The following SLC26A11 variants were observed in gnomAD, a reference collection of about 807,000 sequenced individuals.
The protein encoded by SLC26A11 is solute carrier family 26 member 11.
SLC26A11 carries 58 observed loss-of-function variants against 62.2 expected under a neutral mutation model. The ratio of observed to expected loss-of-function variants is 0.93; its 90% confidence interval spans 0.76 to 1.16. SLC26A11 has a LOEUF of 1.16. Ranked by LOEUF, SLC26A11 falls within the 50% of genes most tolerant of loss-of-function variation. The probability of loss-of-function intolerance (pLI) is 0.00; values close to 1 mark genes in which losing one functional copy is unlikely to be tolerated. For missense variants in SLC26A11, 790 were observed against 794.3 expected (o/e 0.99, Z 0.06); for synonymous variants, 411 against 368.9 (o/e 1.11, Z -1.31).
Position 80,241,641 on chromosome 17 carries a change from G to T in SLC26A11, c.986-130G>T, listed in dbSNP as rs1046392382. 33 of 898,222 alleles carry T rather than the reference G, an allele frequency of 3.7e-5. No homozygotes were observed. In the East Asian group the frequency reaches 7.8e-4, roughly 21 times the overall value. The allele number at this position is 898,222 out of a possible 1,614,324, so 55.6% of individuals were successfully genotyped here. A position where few individuals can be genotyped will look rare whatever the true frequency, so the allele number is the denominator to read the frequency against. Reference sequence around the variant, plus strand: ...CACGCACATATATGTGAATATTTTAGATGTGTATTCTTAGATTTACAAAAC... The same window carrying T: ...CACGCACATATATGTGAATATTTTATATGTGTATTCTTAGATTTACAAAAC... On this transcript the variant is annotated intron_variant, in intron 9 of 17. Coordinates refer to ENST00000361193, the MANE Select transcript of SLC26A11 (RefSeq NM_001166347.2).
At position 80,252,833 on chromosome 17, in the gene SLC26A11, C is replaced by G. The variant is rs924890201; in HGVS notation, c.*117C>G. On this transcript the variant is annotated 3_prime_UTR_variant, in exon 18 of 18. Transcript: ENST00000361193. This position sits in a 1 kb window ranked among gnomAD's most constrained non-coding sequence, Gnocchi z 5.2. Reference sequence around the variant, plus strand: ...CTGGCCTGGCTGAGAAACCCCTGAGCAGGTAACCCAGGGAAGAGAAGGAAG... The same window carrying G: ...CTGGCCTGGCTGAGAAACCCCTGAGGAGGTAACCCAGGGAAGAGAAGGAAG... 3.4e-6 allele frequency: 3 copies of G among 878,296 alleles called. No homozygotes were observed. The African/African-American group carries it at 5.0e-5, about 15-fold the overall frequency. 54.4% of individuals were successfully genotyped at this position (878,296 alleles called of 1,614,324 possible).
At chr17:80,235,195 A>C (rs1251597059) in intron 7 of SLC26A11, among the ~76,000 whole-genome samples, 5 of 151,004 alleles carry the variant, frequency 3.3e-5, no homozygotes, top group East Asian at 1.9e-4. Context: ...TTTACTTAAC[A>C]GTTGCAATCT....
In SLC26A11 at chr17:80,222,233, AGGTGT is replaced by A. The variant is rs1374129106; in HGVS notation, c.235-417_235-413del. ...CTACTAAAAATACAAAAAATTAGCCAGGTGTGGTGGCGGGTGCCTGTAGTCCCAGC... is the reference window on the plus strand; with the variant it reads ...CTACTAAAAATACAAAAAATTAGCCAGGTGGCGGGTGCCTGTAGTCCCAGC... On this transcript the variant is annotated intron_variant, in intron 3 of 17. Transcript: ENST00000361193. The surrounding 1 kb of genome is among the most constrained non-coding windows in gnomAD (Gnocchi z 4.7). The A allele has an allele frequency of 5.2e-6, 1 of 191,678 alleles. No individual in the cohort carries two copies. Among genetic ancestry groups the A allele is most frequent in the African/African-American group, 2.3e-5 (1 of 42,662 alleles). 11.9% of individuals were successfully genotyped at this position (191,678 alleles called of 1,614,324 possible). A position where few individuals can be genotyped will look rare whatever the true frequency, so the allele number is the denominator to read the frequency against.
In SLC26A11 at chr17:80,249,228, G is replaced by A. The variant is rs377168575; in HGVS notation, c.1597G>A (p.Gly533Ser). The change falls in exon 16 of 18, where the codon GGC (glycine) becomes AGC (serine). Residue 533 changes from glycine to serine, a missense_variant. By Grantham distance (56) the Gly-to-Ser change is moderately conservative. Coordinates refer to ENST00000361193, the MANE Select transcript of SLC26A11 (RefSeq NM_001166347.2). ...SIDYTVVLGL[G>S]ELLQDFQKQG... ...CGACTACACTGTGGTGCTGGGACTCGGCGAGCTCCTCCAGGACTTCCAGAA... is the reference window on the plus strand; with the variant it reads ...CGACTACACTGTGGTGCTGGGACTCAGCGAGCTCCTCCAGGACTTCCAGAA... 48 of 1,611,400 alleles carry A rather than the reference G, an allele frequency of 3.0e-5. 1 individual carries two copies. The highest frequency in any genetic ancestry group is 1.9e-4 in the Middle Eastern group (1 of 5,228).
chr17:80,222,805 C>T lies in SLC26A11; in HGVS notation c.385C>T (p.Leu129=). 6.2e-7 allele frequency: 1 copy of T among 1,614,212 alleles called. No homozygotes were observed. Among genetic ancestry groups the T allele is most frequent in the Non-Finnish European group, 8.5e-7 (1 of 1,180,042 alleles). ...EPAYAVLLAF[L]SGCIQLAMGV... ...CGCCTACGCTGTGCTGCTGGCCTTC[C>T]TGTCCGGCTGCATCCAGCTGGCCAT... is the stretch of plus-strand genomic sequence containing the variant. The change falls in exon 4 of 18, where the codon CTG becomes TTG. Residue 129 remains leucine (L), a synonymous_variant. Coordinates refer to ENST00000361193, the MANE Select transcript of SLC26A11 (RefSeq NM_001166347.2). The surrounding 1 kb of genome is among the most constrained non-coding windows in gnomAD (Gnocchi z 4.7).
rs759120372 is a variant in SLC26A11 at position 80,237,095 on chromosome 17, A to T, written c.904A>T (p.Met302Leu). ...TANGTISFTE[M>L]VQDMGAGLAV... is the part of the protein sequence containing the mutation. ...CAACGGGACGATCTCCTTCACCGAG[A>T]TGGTGCAGGTGGGCGGAGCCGGGAG... Residue 302 changes from methionine to leucine, a missense_variant, in exon 8 of 18, where the codon ATG becomes TTG. Transcript: ENST00000361193. 12 of 1,611,528 alleles carry T rather than the reference A, an allele frequency of 7.4e-6. No individual in the cohort carries two copies. Among genetic ancestry groups the T allele is most frequent in the Non-Finnish European group, 1.0e-5 (12 of 1,178,468 alleles).
At chr17:80,251,875 A>T (rs1233515487) in intron 17 of SLC26A11, among the ~76,000 whole-genome samples, 1 of 151,876 alleles carries the variant, frequency 6.6e-6, no homozygotes, top group Non-Finnish European at 1.5e-5. Flanking sequence ...CAGGATGTGG[A>T]TATATGTTTG....
intron 7 of SLC26A11, among the ~76,000 whole-genome samples, chr17:80,233,808 G>A (rs777850788): frequency 1.6e-4 from 8 of 48,848 alleles, no homozygotes; most frequent in Non-Finnish European, 3.2e-4. Context: ...CTTACTCCTG[G>A]GCTCAAGGGA....
chr17:80,238,363 T>C (rs928000586), intron 9 of SLC26A11, among the ~76,000 whole-genome samples: 1 of 152,160 alleles, frequency 6.6e-6, no homozygotes, highest in Admixed American at 6.5e-5. Context: ...ATCTGTTTAA[T>C]TGAAAGTTTT....
In SLC26A11 at chr17:80,221,382, G is replaced by C. The variant is rs972221153; in HGVS notation, c.-13-166G>C. 7.1e-6 allele frequency: 4 copies of C among 566,130 alleles called. No homozygotes were observed. In the Admixed American group the frequency reaches 1.4e-4, roughly 19 times the overall value. 35.1% of individuals were successfully genotyped at this position (566,130 alleles called of 1,614,324 possible). On this transcript the variant is annotated intron_variant, in intron 2 of 17. Transcript: ENST00000361193. ...GGGTGGGCCTTCCAGTCTTGGCCCA[G>C]TCCCCATCTTGCACACATTGTTGGC... is the stretch of plus-strand genomic sequence containing the variant.
intron 13 of SLC26A11, among the ~76,000 whole-genome samples, chr17:80,247,763 G>A (rs1045030793): frequency 7.9e-5 from 12 of 152,168 alleles, no homozygotes; most frequent in Non-Finnish European, 1.3e-4. Context: ...GGCTAAGCCC[G>A]TGCACTTTGT....
In SLC26A11 at chr17:80,225,776, G is replaced by T. The variant is rs1010068504; in HGVS notation, c.514-61G>T. On this transcript the variant is annotated intron_variant, in intron 5 of 17. Transcript: ENST00000361193. ...CCCTAGGGGAGGTGGGCGGGGAGCT[G>T]GGGACAGATGGCCTTGGTTTGGGAG... 4.8e-6 allele frequency: 7 copies of T among 1,450,240 alleles called. No homozygotes were observed. In the African/African-American group the frequency reaches 9.8e-5, roughly 20 times the overall value. 89.8% of individuals were successfully genotyped at this position (1,450,240 alleles called of 1,614,324 possible).
intron 7 of SLC26A11, 40 bp downstream of exon 7, chr17:80,228,000 G>T (rs115784153): frequency 6.3e-7 from 1 of 1,578,948 alleles, no homozygotes; most frequent in Non-Finnish European, 8.6e-7. Context: ...AACCTTGGCT[G>T]CAGGTTGGGG....
At position 80,242,980 on chromosome 17, in the gene SLC26A11, T is replaced by G. The variant is rs373668248; in HGVS notation, c.1036+1159T>G. On this transcript the variant is annotated intron_variant, in intron 10 of 17. Transcript: ENST00000361193. ...CCTTGGCCTCCCAAAGTGCTGGGAT[T>G]ACAGGCGTGAGCCACCGCGCCTGGC... Among the ~76,000 whole-genome samples the G allele has an allele frequency of 5.3e-5, 8 of 152,316 alleles. No individual in the cohort carries two copies. The East Asian group carries it at 1.2e-3, about 22-fold the overall frequency.
chr17:80,222,740 T>A lies in SLC26A11; in HGVS notation c.320T>A (p.Ile107Asn), dbSNP rs145333794. ...GATGTGACTCTGGGCCCCACCGCCA[T>A]TATGTCCCTCCTGGTCTCCTTCTAC... ...SRDVTLGPTA[I>N]MSLLVSFYTF... The change falls in exon 4 of 18, where the codon ATT becomes AAT. Residue 107 changes from isoleucine (I) to asparagine (N), a missense_variant. Coordinates refer to ENST00000361193, the MANE Select transcript of SLC26A11 (RefSeq NM_001166347.2). This position sits in a 1 kb window ranked among gnomAD's most constrained non-coding sequence, Gnocchi z 4.7. 27 of 1,614,150 alleles carry A rather than the reference T, an allele frequency of 1.7e-5. No homozygotes were observed. The African/African-American group carries it at 3.1e-4, about 18-fold the overall frequency.
rs2042286978 is a variant in SLC26A11 at position 80,223,635 on chromosome 17, C to T, written c.513+298C>T. Among the ~76,000 whole-genome samples the T allele has an allele frequency of 6.6e-6, 1 of 152,200 alleles. No individual in the cohort carries two copies. Among genetic ancestry groups the T allele is most frequent in the Non-Finnish European group, 1.5e-5 (1 of 68,036 alleles). On this transcript the variant is annotated intron_variant, in intron 5 of 17. Coordinates refer to ENST00000361193, the MANE Select transcript of SLC26A11 (RefSeq NM_001166347.2). The surrounding 1 kb of genome is among the most constrained non-coding windows in gnomAD (Gnocchi z 4.6). ...TCCGTGCCAGTGTGCTTGGCTGGCT[C>T]TGTGACGTGGCTCTGTTCTCCCTGC...
At position 80,223,275 on chromosome 17, in the gene SLC26A11, T is replaced by C. The variant is rs1490904419; in HGVS notation, c.451T>C (p.Tyr151His). The change falls in exon 5 of 18, where the codon TAC becomes CAC. Residue 151 changes from tyrosine to histidine, a missense_variant. Coordinates refer to ENST00000361193, the MANE Select transcript of SLC26A11 (RefSeq NM_001166347.2). The surrounding 1 kb of genome is among the most constrained non-coding windows in gnomAD (Gnocchi z 4.6). ...RLGFLLDFIS[Y>H]PVIKGFTSAA... Reference sequence around the variant, plus strand: ...AGGGTTCCTGCTGGACTTCATTTCCTACCCCGTCATTAAAGGCTTCACCTC... The same window carrying C: ...AGGGTTCCTGCTGGACTTCATTTCCCACCCCGTCATTAAAGGCTTCACCTC... 1.2e-6 allele frequency: 2 copies of C among 1,614,006 alleles called. No individual in the cohort carries two copies. The highest frequency in any genetic ancestry group is 1.7e-5 in the Admixed American group (1 of 59,998).
At position 80,236,314 on chromosome 17, in the gene SLC26A11, T is replaced by C. The variant is rs2042689101; in HGVS notation, c.737-614T>C. On this transcript the variant is annotated intron_variant, in intron 7 of 17. Coordinates refer to ENST00000361193, the MANE Select transcript of SLC26A11 (RefSeq NM_001166347.2). ...TGTCTCCGGCTGCCCTCTCTGCTCC[T>C]GTGACCTTGCGGTCAGCTCCAGCTG... Among the ~76,000 whole-genome samples, 3 of 152,356 alleles carry C rather than the reference T, an allele frequency of 2.0e-5. No homozygotes were observed. In the South Asian group the frequency reaches 6.2e-4, roughly 32 times the overall value.
chr17:80,243,006 C>T (rs193239023), intron 10 of SLC26A11, among the ~76,000 whole-genome samples: 37 of 152,256 alleles, frequency 2.4e-4, no homozygotes, highest in African/African-American at 8.9e-4. Flanking sequence ...CGCGCCTGGC[C>T]CAGTGTGAAT....
Sources: gnomAD v4.1 joint callset for allele counts (sites outside exome capture counted in the v4.1 genomes callset) on GRCh38, gnomAD v4.1.1 for gene constraint, Gnocchi (gnomAD v3.1) non-coding constraint, MANE v1.5 for transcripts, NCBI Gene and HGNC (gene_info 2026-07-23, HGNC 2026-07-21) for gene names.